MTUS1: variants seen among roughly 807,000 people sequenced by gnomAD.
MTUS1 encodes the protein microtubule-associated tumor suppressor 1.
In MTUS1, 109 loss-of-function variants were observed where a neutral mutation model predicts 120.8. The ratio of observed to expected loss-of-function variants is 0.90; its 90% CI spans 0.77 to 1.06. The LOEUF is 1.06. Among genes scored for constraint, MTUS1 ranks in the 50% least tolerant of loss-of-function variants. The pLI is 0.00. For missense variants in MTUS1, 2,210 were observed against 1,486.3 expected, an observed-to-expected ratio of 1.49 and a Z score of -8.01; for synonymous variants, 737 against 550.5, an observed-to-expected ratio of 1.34 and a Z score of -4.74.
chr8:17,736,033 G>C (rs180857753), intron 3 of MTUS1, among the ~76,000 whole-genome samples: 1 of 152,114 alleles, frequency 6.6e-6, no homozygotes, highest in Non-Finnish European at 1.5e-5. Flanking sequence ...CCTTAAGAGG[G>C]CATATTTGCT....
At chr8:17,704,803 T>C (rs1819820185) in intron 6 of MTUS1, among the ~76,000 whole-genome samples, 2 of 152,168 alleles carry the variant, frequency 1.3e-5, no homozygotes, top group African/African-American at 4.8e-5. Flanking sequence ...TTTAAAAAAA[T>C]GACACTGGGA....
intron 1 of MTUS1, among the ~76,000 whole-genome samples, chr8:17,787,225 C>A (rs570052544): frequency 6.6e-6 from 1 of 152,304 alleles, no homozygotes; most frequent in East Asian, 1.9e-4. Flanking sequence ...CAGCCTCCAG[C>A]ATGGGTAAAG....
At chr8:17,740,477 C>T (rs1270257873) in intron 3 of MTUS1, among the ~76,000 whole-genome samples, 1 of 152,208 alleles carries the variant, frequency 6.6e-6, no homozygotes, top group Non-Finnish European at 1.5e-5. Context: ...CTTCATTGTA[C>T]AATCAATGGC....
At chr8:17,770,547 T>C (rs1252318316) in intron 1 of MTUS1, 1 of 152,216 alleles carries the variant, frequency 6.6e-6, no homozygotes, top group Non-Finnish European at 1.5e-5. Flanking sequence ...GAGACTGTCT[T>C]TTTCATGGAG....
intron 6 of MTUS1, chr8:17,697,750 G>A (rs1257042278): frequency 2.0e-6 from 2 of 991,948 alleles, no homozygotes; most frequent in African/African-American, 3.5e-5. Flanking sequence ...GAGCTTTACA[G>A]AACAACCAAT....
intron 14 of MTUS1, 27 bp from the exon 15 acceptor site, chr8:17,646,166 A>AG: frequency 6.5e-7 from 1 of 1,534,206 alleles, no homozygotes; most frequent in Non-Finnish European, 8.7e-7. Context: ...AGAAACCATG[A>AG]GATCTATGTA....
intron 12 of MTUS1, among the ~76,000 whole-genome samples, chr8:17,650,252 C>G (rs945942457): frequency 8.5e-5 from 13 of 152,156 alleles, no homozygotes; most frequent in African/African-American, 3.1e-4. Context: ...ACATACAAAA[C>G]AGAATCTTGG....
At chr8:17,654,688 G>A (rs371344674) in intron 9 of MTUS1, 22 bp from the exon 10 acceptor site, 55 of 1,572,626 alleles carry the variant, frequency 3.5e-5, no homozygotes, top group Middle Eastern at 1.7e-4. Context: ...AAACAAAACC[G>A]TGGTTTAACA....
chr8:17,798,512 T>G lies in MTUS1; in HGVS notation c.-155+2549A>C, dbSNP rs2052431319. Among the ~76,000 whole-genome samples the G allele has an allele frequency of 2.0e-5, 3 of 152,264 alleles. No individual in the cohort carries two copies. In the South Asian group the frequency reaches 6.2e-4, roughly 32 times the overall value. On this transcript the variant is annotated intron_variant, in intron 1 of 14. Transcript: ENST00000693296. ...CACAATTGACTAATTTTTTGTATCT[T>G]TAGTAGAGACGGGGTTTCACCATGT...
chr8:17,659,661 G>A (rs970839573), intron 8 of MTUS1, among the ~76,000 whole-genome samples: 4 of 152,224 alleles, frequency 2.6e-5, no homozygotes, highest in Admixed American at 6.5e-5. Context: ...TCGCACTACC[G>A]CACTCCAGCC....
intron 1 of MTUS1, among the ~76,000 whole-genome samples, chr8:17,786,287 C>T (rs1276987320): frequency 1.3e-5 from 2 of 152,160 alleles, no homozygotes; most frequent in African/African-American, 2.4e-5. Context: ...GAGTTACTTC[C>T]GTAGAGACCA....
chr8:17,652,499 G>A (rs543530432), intron 12 of MTUS1, among the ~76,000 whole-genome samples: 8 of 152,070 alleles, frequency 5.3e-5, no homozygotes, highest in Non-Finnish European at 8.8e-5. Flanking sequence ...GAATTTGGGG[G>A]AATGGGGAGT....
intron 1 of MTUS1, among the ~76,000 whole-genome samples, chr8:17,779,679 T>TG (rs1475782446): frequency 1.3e-5 from 2 of 152,214 alleles, no homozygotes; most frequent in African/African-American, 4.8e-5. Context: ...CCCCTTCACT[T>TG]GGCTTCAGAG....
At chr8:17,679,960 A>T (rs1272399118) in intron 7 of MTUS1, among the ~76,000 whole-genome samples, 3 of 152,216 alleles carry the variant, frequency 2.0e-5, no homozygotes, top group African/African-American at 7.2e-5. Flanking sequence ...TCACATATAT[A>T]CTGTGTTGAC....
chr8:17,744,613 T>C (rs1260941009), intron 2 of MTUS1, among the ~76,000 whole-genome samples: 1 of 151,818 alleles, frequency 6.6e-6, no homozygotes, highest in Admixed American at 6.6e-5. Flanking sequence ...GGCTAATTTT[T>C]ATATTTTTGT....
chr8:17,798,670 A>G (rs775361406), intron 1 of MTUS1, among the ~76,000 whole-genome samples: 1 of 152,194 alleles, frequency 6.6e-6, no homozygotes, highest in Admixed American at 6.5e-5. Context: ...AGTCACATAT[A>G]GTTCTGAAGC....
intron 1 of MTUS1, among the ~76,000 whole-genome samples, chr8:17,795,800 G>C (rs934590366): frequency 2.7e-5 from 4 of 150,228 alleles, no homozygotes; most frequent in African/African-American, 9.8e-5. Flanking sequence ...CACCACACCA[G>C]CTACTTTTGT....
intron 2 of MTUS1, among the ~76,000 whole-genome samples, chr8:17,746,632 C>T (rs1473124224): frequency 2.0e-5 from 3 of 152,134 alleles, no homozygotes; most frequent in South Asian, 2.1e-4. Context: ...TTATCTCCCA[C>T]CAGGTCCCTC....
rs1029363734 is a variant in MTUS1, at chr8:17,649,944, A to C, written c.3403T>G (p.Tyr1135Asp). The change falls in exon 13 of 15, where the codon TAT (tyrosine) becomes GAT (aspartate). Residue 1135 changes from tyrosine to aspartate, a missense_variant. Physicochemically the swap from Tyr to Asp is radical, Grantham distance 160. Coordinates refer to ENST00000693296, the MANE Select transcript of MTUS1 (RefSeq NM_001363059.2). ...KANLKNPQIM[Y>D]LEQELESLKA... ...AGGCTTTCTAACTCCTGTTCTAGATACATGATCTGAGGATTTTTCTGGAAA... is the reference window on the plus strand; with the variant it reads ...AGGCTTTCTAACTCCTGTTCTAGATCCATGATCTGAGGATTTTTCTGGAAA... 5 of 1,603,062 alleles carry C rather than the reference A, an allele frequency of 3.1e-6. No individual in the cohort carries two copies. In the African/African-American group the frequency reaches 5.4e-5, roughly 17 times the overall value.
Sources: allele counts gnomAD v4.1 joint callset (sites outside exome capture counted in the v4.1 genomes callset), GRCh38; gene constraint gnomAD v4.1.1; transcripts MANE v1.5; gene names NCBI Gene and HGNC (gene_info 2026-07-23, HGNC 2026-07-21).